The following TRDN variants were observed in gnomAD, a reference collection of about 807,000 sequenced individuals.
TRDN encodes the protein triadin in skeletal muscle.
Under a neutral mutation model 149.7 loss-of-function variants are expected in TRDN, and 161 were observed. The ratio of observed to expected loss-of-function variants is 1.08; its 90% confidence interval spans 0.95 to 1.23. The LOEUF (loss-of-function observed/expected upper bound fraction) is 1.23. TRDN is among the 50% of genes most tolerant of loss of function. TRDN has a pLI of 0.00. For synonymous variants in TRDN, 294 were observed against 250.5 expected (o/e 1.17, Z -1.64); for missense variants, 896 against 823.5 (o/e 1.09, Z -1.08).
chr6:123,487,795 T>C (rs940610844), intron 9 of TRDN, among the ~76,000 whole-genome samples: 7 of 152,216 alleles, frequency 4.6e-5, no homozygotes, highest in East Asian at 1.9e-4. Context: ...TTCATTCACA[T>C]ACAAACAAAG....
At chr6:123,474,176 G>T (rs1427194429) in intron 9 of TRDN, among the ~76,000 whole-genome samples, 3 of 152,070 alleles carry the variant, frequency 2.0e-5, no homozygotes, top group Non-Finnish European at 2.9e-5. Context: ...AGACCCATCA[G>T]TGTGCTGTAT....
chr6:123,259,747 A>G, intron 34 of TRDN, 85 bp from the exon 35 acceptor site: 6 of 964,800 alleles, frequency 6.2e-6, no homozygotes, highest in Non-Finnish European at 9.1e-6. Flanking sequence ...GTTGGAGATG[A>G]GACTTAATCT....
intron 24 of TRDN, among the ~76,000 whole-genome samples, chr6:123,294,395 T>C (rs1016223151): frequency 6.6e-6 from 1 of 152,138 alleles, no homozygotes; most frequent in African/African-American, 2.4e-5. Flanking sequence ...AAAGTTTGTG[T>C]CTTCAACATT....
chr6:123,368,080 G>A (rs1238191321), intron 19 of TRDN, among the ~76,000 whole-genome samples: 1 of 152,068 alleles, frequency 6.6e-6, no homozygotes, highest in East Asian at 1.9e-4. Flanking sequence ...TCAAATCCTA[G>A]CTCACTAAGG....
At chr6:123,332,883 G>T (rs1779713504) in intron 22 of TRDN, among the ~76,000 whole-genome samples, 1 of 151,998 alleles carries the variant, frequency 6.6e-6, no homozygotes, top group Admixed American at 6.6e-5. Flanking sequence ...AATTGATTTT[G>T]AGGTTTTATT....
chr6:123,473,628 A>C (rs1246256598), intron 9 of TRDN, among the ~76,000 whole-genome samples: 1 of 151,586 alleles, frequency 6.6e-6, no homozygotes, highest in African/African-American at 2.4e-5. Context: ...GAGCAACTCC[A>C]AGACACATAA....
chr6:123,265,345 AG>A lies in TRDN; in HGVS notation c.1784-8del, dbSNP rs1425347313. The A allele has an allele frequency of 1.4e-6, 2 of 1,419,914 alleles. No individual in the cohort carries two copies. The highest frequency in any genetic ancestry group is 2.9e-5 in the African/African-American group (2 of 68,104). 88.0% of individuals were successfully genotyped at this position (1,419,914 alleles called of 1,614,324 possible). A position where few individuals can be genotyped will look rare whatever the true frequency, so the allele number is the denominator to read the frequency against. On this transcript the variant is annotated splice_region_variant and splice_polypyrimidine_tract_variant and intron_variant, in intron 32 of 40. Transcript: ENST00000334268. ...GGAGTTGGTTTTGGTTTGTCTAAAA[AG>A]GAAAAAAGAAAAAAAAAGAAAATGA...
At chr6:123,338,023 C>G (rs1779937455) in intron 21 of TRDN, among the ~76,000 whole-genome samples, 1 of 152,152 alleles carries the variant, frequency 6.6e-6, no homozygotes, top group Non-Finnish European at 1.5e-5. Context: ...ATTCAGTGCT[C>G]ACAACTCCAT....
At chr6:123,524,856 T>C (rs1003594923) in intron 5 of TRDN, among the ~76,000 whole-genome samples, 2 of 152,170 alleles carry the variant, frequency 1.3e-5, no homozygotes, top group Non-Finnish European at 2.9e-5. Flanking sequence ...GTGATAATGC[T>C]GCTATTTTTC....
At chr6:123,358,169 T>C (rs1780757250) in intron 20 of TRDN, among the ~76,000 whole-genome samples, 1 of 152,216 alleles carries the variant, frequency 6.6e-6, no homozygotes, top group South Asian at 2.1e-4. Flanking sequence ...TTTTCTACTT[T>C]TGTAGAAGCG....
rs1277590915 is a variant in TRDN, at chr6:123,512,326, G to C, written c.587C>G (p.Pro196Arg). Reference protein sequence around the residue: ...HKEKIEKKEKPETKTLAKEQK... With the variant: ...HKEKIEKKEKRETKTLAKEQK... ...ACCTTTCGCCAGTGTCTTTGTTTCT[G>C]GTTTTTCTTTTTTCTCAATTTTTTC... The change falls in exon 7 of 41, where the codon CCA (proline) becomes CGA (arginine). Residue 196 changes from proline (P) to arginine (R), a missense_variant. Transcript: ENST00000334268. The C allele has an allele frequency of 6.7e-7, 1 of 1,500,486 alleles. No individual in the cohort carries two copies. The highest frequency in any genetic ancestry group is 2.3e-5 in the East Asian group (1 of 43,078). The allele number at this position is 1,500,486 out of a possible 1,614,324, so 92.9% of individuals were successfully genotyped here. A position where few individuals can be genotyped will look rare whatever the true frequency, so the allele number is the denominator to read the frequency against.
intron 16 of TRDN, among the ~76,000 whole-genome samples, chr6:123,380,837 T>C (rs1245645788): frequency 1.3e-5 from 2 of 152,036 alleles, no homozygotes; most frequent in Non-Finnish European, 2.9e-5. Context: ...ACAGTCTTAA[T>C]AGTGTTAAAG....
chr6:123,273,844 T>C lies in TRDN; in HGVS notation c.1598-481A>G, dbSNP rs141284885. On this transcript the variant is annotated intron_variant, in intron 27 of 40. Transcript: ENST00000334268. Reference sequence around the variant, plus strand: ...CTACCATAGAGCCTGAGGGTTTTTTTGAACTTGCCTCAGGTCAATTGCTAG... The same window carrying C: ...CTACCATAGAGCCTGAGGGTTTTTTCGAACTTGCCTCAGGTCAATTGCTAG... Among the ~76,000 whole-genome samples, 9 of 152,186 alleles carry C rather than the reference T, an allele frequency of 5.9e-5. No homozygotes were observed. The South Asian group carries it at 6.2e-4, about 11-fold the overall frequency.
intron 20 of TRDN, among the ~76,000 whole-genome samples, chr6:123,362,764 C>T (rs17085282): frequency 6.6e-6 from 1 of 151,998 alleles, no homozygotes; most frequent in East Asian, 1.9e-4. Flanking sequence ...AAACTTCAGG[C>T]CAGCTTAGTG....
chr6:123,560,236 G>A (rs1372287239), intron 2 of TRDN, among the ~76,000 whole-genome samples: 1 of 152,038 alleles, frequency 6.6e-6, no homozygotes, highest in East Asian at 1.9e-4. Context: ...CACACCGGAC[G>A]CATATACTTT....
intron 38 of TRDN, among the ~76,000 whole-genome samples, chr6:123,235,171 G>A (rs1338098793): frequency 3.3e-5 from 5 of 152,152 alleles, no homozygotes; most frequent in African/African-American, 1.2e-4. Flanking sequence ...AGAGGAAGCA[G>A]AGGGAAACCA....
intron 1 of TRDN, among the ~76,000 whole-genome samples, chr6:123,635,120 G>A (rs2114754332): frequency 6.6e-6 from 1 of 152,130 alleles, no homozygotes; most frequent in African/African-American, 2.4e-5. Flanking sequence ...TAGAGAAACA[G>A]AAGATTAAGA....
chr6:123,447,365 T>C (rs985475667), intron 10 of TRDN, among the ~76,000 whole-genome samples: 1 of 152,162 alleles, frequency 6.6e-6, no homozygotes, highest in African/African-American at 2.4e-5. Flanking sequence ...CAGCAGTAAG[T>C]AAGAAAGTTC....
chr6:123,489,146 C>T (rs1376702257), intron 9 of TRDN, among the ~76,000 whole-genome samples: 1 of 152,052 alleles, frequency 6.6e-6, no homozygotes, highest in Non-Finnish European at 1.5e-5. Flanking sequence ...ATTGTTATGT[C>T]TTCCATACCA....
Sources: gnomAD v4.1 joint callset for allele counts (sites outside exome capture counted in the v4.1 genomes callset) on GRCh38, gnomAD v4.1.1 for gene constraint, MANE v1.5 for transcripts, NCBI Gene and HGNC (gene_info 2026-07-23, HGNC 2026-07-21) for gene names.